The following CCDC32 variants were observed in gnomAD, a reference collection of about 807,000 sequenced individuals.
The protein encoded by CCDC32 is coiled-coil domain containing 32.
In CCDC32, 9 loss-of-function variants were observed where a neutral mutation model predicts 20.1. The ratio of observed to expected loss-of-function variants is 0.45; its 90% CI spans 0.27 to 0.78. The LOEUF (loss-of-function observed/expected upper bound fraction) is 0.78. Ranked by LOEUF, CCDC32 falls within the 30% of genes least tolerant of loss-of-function variation. The pLI is 0.16. For synonymous variants in CCDC32, 63 were observed against 79.0 expected, an observed-to-expected ratio of 0.80 and a Z score of 1.07; for missense variants, 204 against 215.5, an observed-to-expected ratio of 0.95 and a Z score of 0.33.
chr15:40,537,348 G>A (rs1889161469), downstream of CCDC32: 1 of 152,466 alleles, frequency 6.6e-6, no homozygotes, highest in Admixed American at 6.5e-5. Flanking sequence ...AAAGAGGAAG[G>A]GGCTTGGCCC....
downstream of CCDC32, among the ~76,000 whole-genome samples, chr15:40,523,791 T>TA (rs1894863410): frequency 6.6e-6 from 1 of 152,232 alleles, no homozygotes; most frequent in South Asian, 2.1e-4. Context: ...TAAAGACTGA[T>TA]ACTACCAAGT....
chr15:40,522,966 A>G, the CCDC32 span, among the ~76,000 whole-genome samples: 2 of 151,060 alleles, frequency 1.3e-5, no homozygotes, highest in Non-Finnish European at 2.9e-5. Context: ...AGTGGGGATT[A>G]TAGGAGTATG....
downstream of CCDC32, among the ~76,000 whole-genome samples, chr15:40,526,054 C>T (rs1166040874): frequency 6.6e-6 from 1 of 151,958 alleles, no homozygotes; most frequent in East Asian, 1.9e-4. Flanking sequence ...TCTGCAACAA[C>T]ACCTGTGAAC....
intron 3 of CCDC32, chr15:40,528,796 A>T (rs944256159): frequency 4.6e-5 from 32 of 697,640 alleles, no homozygotes; most frequent in Admixed American, 2.5e-4. Context: ...AAAAACTATT[A>T]AAAAAAAGAG....
chr15:40,535,610 CAAAAAAAA>C (rs11299163), downstream of CCDC32: 3 of 875,748 alleles, frequency 3.4e-6, no homozygotes, highest in African/African-American at 5.6e-5. Context: ...TTTTCACAAC[CAAAAAAAA>C]AAAAGAAAAA....
chr15:40,543,447 T>TTTG (rs754674235), intron 3 of CCDC32, among the ~76,000 whole-genome samples: 4 of 151,520 alleles, frequency 2.6e-5, no homozygotes, highest in African/African-American at 9.7e-5. Flanking sequence ...CTGTTTTGTT[T>TTTG]TTGTTGTTGT....
rs1327529447 is a variant in CCDC32, at chr15:40,539,286, A to ACTGGTGAGCTGCTCAG, written c.470_471insCTGAGCAGCTCACCAG (p.Ala158Ter). On this transcript the variant is annotated stop_gained and frameshift_variant, in exon 4 of 4. Transcript: ENST00000558113. LOFTEE classifies it high-confidence loss of function. ...ATGTCCTTCGCCACCTCTGCTCAGC[A>ACTGGTGAGCTGCTCAG]CACTGGTGGCTGTCCCACGCTCCAT... 6.5e-7 allele frequency: 1 copy of ACTGGTGAGCTGCTCAG among 1,535,634 alleles called. No homozygotes were observed. Among genetic ancestry groups the ACTGGTGAGCTGCTCAG allele is most frequent in the South Asian group, 1.2e-5 (1 of 84,054 alleles).
downstream of CCDC32, among the ~76,000 whole-genome samples, chr15:40,532,553 A>G (rs1888920153): frequency 6.6e-6 from 1 of 152,062 alleles, no homozygotes; most frequent in Non-Finnish European, 1.5e-5. Flanking sequence ...TTTTGCATAG[A>G]TCTTAAATTA....
At position 40,546,015 on chromosome 15, in the gene CCDC32, C is replaced by T. The variant is rs562453477; in HGVS notation, c.402-6660G>A. Among the ~76,000 whole-genome samples the T allele has an allele frequency of 3.3e-5, 5 of 152,196 alleles. No homozygotes were observed. The South Asian group carries it at 1.0e-3, about 32-fold the overall frequency. On this transcript the variant is annotated intron_variant, in intron 3 of 3. Transcript: ENST00000558113. ...CTCTTATAGGTTTTGCTTTGTTTTGCTTTTCCCCCATCCCAGTTTCTCTTT... is the reference window on the plus strand; with the variant it reads ...CTCTTATAGGTTTTGCTTTGTTTTGTTTTTCCCCCATCCCAGTTTCTCTTT...
At chr15:40,547,601 A>G (rs1456767929) in intron 3 of CCDC32, among the ~76,000 whole-genome samples, 2 of 152,164 alleles carry the variant, frequency 1.3e-5, no homozygotes, top group Non-Finnish European at 2.9e-5. Flanking sequence ...TCCCAGGAGC[A>G]ATGGGTCTTT....
At chr15:40,547,997 C>A (rs893415772) in intron 3 of CCDC32, among the ~76,000 whole-genome samples, 1 of 152,194 alleles carries the variant, frequency 6.6e-6, no homozygotes, top group African/African-American at 2.4e-5. Context: ...TTTTTATTGT[C>A]TTTTTCTTAC....
downstream of CCDC32, among the ~76,000 whole-genome samples, chr15:40,531,140 G>A (rs1888861743): frequency 6.6e-6 from 1 of 151,446 alleles, no homozygotes; most frequent in Non-Finnish European, 1.5e-5. Flanking sequence ...AACACAGAGT[G>A]TGGAATAGTA....
At chr15:40,530,094 C>A (rs993860964), downstream of CCDC32, among the ~76,000 whole-genome samples, 1 of 150,810 alleles carries the variant, frequency 6.6e-6, no homozygotes, top group Non-Finnish European at 1.5e-5. Context: ...GAGTTCGAGA[C>A]CAGCCTGGCC....
At chr15:40,522,290 A>C in the CCDC32 span, among the ~76,000 whole-genome samples, 7 of 152,298 alleles carry the variant, frequency 4.6e-5, no homozygotes, top group East Asian at 1.3e-3. Context: ...ATACTTCTGG[A>C]CTCACAATTC....
chr15:40,522,828 CTTTT>C, the CCDC32 span, among the ~76,000 whole-genome samples: 1 of 131,188 alleles, frequency 7.6e-6, no homozygotes, highest in Non-Finnish European at 1.6e-5. Flanking sequence ...GTTTTCCTTT[CTTTT>C]TTTTTTTTTT....
chr15:40,557,360 C>A lies in CCDC32; in HGVS notation c.257G>T (p.Arg86Ile). The A allele has an allele frequency of 6.2e-7, 1 of 1,611,250 alleles. No homozygotes were observed. Among genetic ancestry groups the A allele is most frequent in the Non-Finnish European group, 8.5e-7 (1 of 1,179,132 alleles). The change falls in exon 3 of 4, where the codon AGA (arginine) becomes ATA (isoleucine). Residue 86 changes from arginine (R) to isoleucine (I), a missense_variant. Physicochemically the swap from Arg to Ile is moderately conservative, Grantham distance 97. Transcript: ENST00000416810. ...VYLASLEKKL[R>I]RIKGLNQEVT... Reference sequence around the variant, plus strand: ...TTCCTGATTTAAACCTTTGATTCTTCTTAGCTTCTTCTCTAGAGAGAGAAG... The same window carrying A: ...TTCCTGATTTAAACCTTTGATTCTTATTAGCTTCTTCTCTAGAGAGAGAAG...
At chr15:40,557,514 G>T (rs963353096) in intron 2 of CCDC32, 142 bp from the exon 3 acceptor site, 1 of 748,352 alleles carries the variant, frequency 1.3e-6, no homozygotes, top group African/African-American at 1.8e-5. Flanking sequence ...ATTTTTTAAG[G>T]ACAGATAAAA....
chr15:40,547,187 C>T (rs189530233), intron 3 of CCDC32, among the ~76,000 whole-genome samples: 16 of 152,194 alleles, frequency 1.1e-4, no homozygotes, highest in East Asian at 7.7e-4. Flanking sequence ...ACCTTCAGTG[C>T]ACCCCAGGTT....
chr15:40,524,099 G>T (rs1321044979), downstream of CCDC32, among the ~76,000 whole-genome samples: 2 of 142,542 alleles, frequency 1.4e-5, no homozygotes, highest in Non-Finnish European at 3.1e-5. Flanking sequence ...AGACAAGTCA[G>T]TAATTTAAAA....
Sources: allele counts gnomAD v4.1 joint callset (sites outside exome capture counted in the v4.1 genomes callset), GRCh38; gene constraint gnomAD v4.1.1; transcripts MANE v1.5; gene names NCBI Gene and HGNC (gene_info 2026-07-23, HGNC 2026-07-21).